The following MVK variants were observed in gnomAD, a reference collection of about 807,000 sequenced individuals.
The protein encoded by MVK is mevalonate kinase.
Under a neutral mutation model 43.2 loss-of-function variants are expected in MVK, and 34 were observed. The observed-to-expected ratio is 0.79, with a 90% confidence interval of 0.60 to 1.05. The LOEUF (loss-of-function observed/expected upper bound fraction) is 1.05, where lower values mean the gene tolerates loss of function less well. Ranked by LOEUF, MVK falls within the 50% of genes least tolerant of loss-of-function variation. The pLI is 0.00. For synonymous variants in MVK, 190 were observed against 219.8 expected, an observed-to-expected ratio of 0.86 and a Z score of 1.20; for missense variants, 395 against 504.0, an observed-to-expected ratio of 0.78 and a Z score of 2.07.
intron 9 of MVK, among the ~76,000 whole-genome samples, chr12:109,593,189 G>A (rs1438548837): frequency 1.3e-5 from 2 of 152,272 alleles, no homozygotes; most frequent in Non-Finnish European, 2.9e-5. Flanking sequence ...GCGGCCCCCA[G>A]AAGTCTTCTC....
chr12:109,588,176 C>T (rs2136240220), intron 7 of MVK: 2 of 152,418 alleles, frequency 1.3e-5, no homozygotes, highest in South Asian at 4.1e-4. Context: ...GGGCCCCGGC[C>T]TGTCTTCAGG....
rs1207160906 is a variant in MVK at position 109,595,268 on chromosome 12, C to G, written c.1039+87C>G. The G allele has an allele frequency of 3.9e-6, 6 of 1,554,678 alleles. No individual in the cohort carries two copies. Among genetic ancestry groups the G allele is most frequent in the Non-Finnish European group, 5.2e-6 (6 of 1,147,218 alleles). The stretch of plus-strand genomic sequence containing the variant: ...GAATTCCCTTGAAAGGAAAAAGAGA[C>G]CTGGAAACAGGTCTCAGCTCCGCTG... On this transcript the variant is annotated intron_variant, in intron 10 of 10. Transcript: ENST00000228510. This position sits in a 1 kb window ranked among gnomAD's most constrained non-coding sequence, Gnocchi z 5.9.
chr12:109,584,881 A>G (rs1283173502), intron 5 of MVK, among the ~76,000 whole-genome samples: 3 of 152,172 alleles, frequency 2.0e-5, no homozygotes, highest in Non-Finnish European at 2.9e-5. Context: ...GCGAAACTCC[A>G]TCTCAAAAAA....
At chr12:109,583,890 G>A (rs1270465575) in intron 5 of MVK, among the ~76,000 whole-genome samples, 2 of 152,230 alleles carry the variant, frequency 1.3e-5, no homozygotes, top group African/African-American at 4.8e-5. Context: ...GACCTTGTCT[G>A]TTTTGCTCCC....
chr12:109,581,135 A>T (rs560090684), intron 4 of MVK, among the ~76,000 whole-genome samples: 1 of 152,306 alleles, frequency 6.6e-6, no homozygotes, highest in African/African-American at 2.4e-5. Context: ...AAAGGGGTTG[A>T]CAGCTTGCCA....
intron 5 of MVK, among the ~76,000 whole-genome samples, chr12:109,583,712 C>A (rs566247841): frequency 2.2e-4 from 34 of 152,306 alleles, no homozygotes; most frequent in Admixed American, 1.8e-3. Context: ...TACAGTCCCA[C>A]CAACAGTGTA....
At chr12:109,587,193 C>T (rs1419411753) in intron 7 of MVK, 2 of 283,678 alleles carry the variant, frequency 7.1e-6, no homozygotes, top group Admixed American at 4.3e-5. Context: ...TCTCAGTCTG[C>T]TTGTGGGGGT....
chr12:109,577,948 A>G (rs1885036226), intron 3 of MVK, among the ~76,000 whole-genome samples: 1 of 152,168 alleles, frequency 6.6e-6, no homozygotes, highest in Non-Finnish European at 1.5e-5. Flanking sequence ...CAACTTGTGT[A>G]TGTCAGTAGC....
rs759489916 is a variant in MVK at position 109,579,880 on chromosome 12, C to G, written c.305C>G (p.Ala102Gly). 64 of 1,614,134 alleles carry G rather than the reference C, an allele frequency of 4.0e-5. 1 individual carries two copies. ...KEVAGLPDDC[A>G]VTERLAVLAF... Reference sequence around the variant, plus strand: ...GTTGCAGGCTTGCCTGACGACTGTGCTGTCACCGAGCGCCTGGCTGTGCTG... The same window carrying G: ...GTTGCAGGCTTGCCTGACGACTGTGGTGTCACCGAGCGCCTGGCTGTGCTG... The change falls in exon 4 of 11, where the codon GCT becomes GGT. Residue 102 changes from alanine to glycine, a missense_variant. Physicochemically the swap from Ala to Gly is moderately conservative, Grantham distance 60. Transcript: ENST00000228510.
In MVK at chr12:109,595,079, G is replaced by C; in HGVS notation, c.937G>C (p.Ala313Pro). 1 of 1,614,196 alleles carries C rather than the reference G, an allele frequency of 6.2e-7. No individual in the cohort carries two copies. The highest frequency in any genetic ancestry group is 8.5e-7 in the Non-Finnish European group (1 of 1,180,042). The change falls in exon 10 of 11, where the codon GCC becomes CCC. Residue 313 changes from alanine (A) to proline (P), a missense_variant. By Grantham distance (27) the Ala-to-Pro change is conservative. Coordinates refer to ENST00000228510, the MANE Select transcript of MVK (RefSeq NM_000431.4). The surrounding 1 kb of genome is among the most constrained non-coding windows in gnomAD (Gnocchi z 5.9). ...HHLNALGVGH[A>P]SLDQLCQVTR... The stretch of plus-strand genomic sequence containing the variant: ...TCTGAATGCCCTCGGCGTGGGCCAC[G>C]CCTCTCTGGACCAGCTCTGCCAGGT...
At chr12:109,577,362 C>G (rs150321305) in intron 3 of MVK, among the ~76,000 whole-genome samples, 1 of 152,284 alleles carries the variant, frequency 6.6e-6, no homozygotes, top group African/African-American at 2.4e-5. Flanking sequence ...AAATGAGAAT[C>G]TTTTTGGGTT....
chr12:109,586,958 G>C, intron 7 of MVK, 159 bp downstream of exon 7: 2 of 816,894 alleles, frequency 2.4e-6, no homozygotes, highest in Non-Finnish European at 4.0e-6. Context: ...GGAAGCAGGG[G>C]TGGTGGGGAA....
intron 5 of MVK, among the ~76,000 whole-genome samples, chr12:109,581,823 C>T (rs1326682101): frequency 6.6e-6 from 1 of 152,176 alleles, no homozygotes; most frequent in Non-Finnish European, 1.5e-5. Context: ...TGGTTTCAAG[C>T]GCCCATGGTA....
intron 7 of MVK, among the ~76,000 whole-genome samples, chr12:109,587,409 C>T (rs1885485182): frequency 1.3e-5 from 2 of 152,086 alleles, no homozygotes; most frequent in African/African-American, 4.8e-5. Flanking sequence ...TGTGCGATTT[C>T]AGCATTCTCT....
intron 3 of MVK, among the ~76,000 whole-genome samples, chr12:109,577,982 G>A (rs1885037986): frequency 6.6e-6 from 1 of 152,158 alleles, no homozygotes; most frequent in African/African-American, 2.4e-5. Flanking sequence ...AGCCAGGTAT[G>A]GGGGAACATG....
intron 7 of MVK, 133 bp from the exon 8 acceptor site, chr12:109,590,638 C>T: frequency 2.5e-6 from 2 of 787,484 alleles, no homozygotes; most frequent in Non-Finnish European, 4.4e-6. Context: ...CATGCTCCCC[C>T]AATCCAGTGT....
chr12:109,575,835 C>T (rs953199266), intron 2 of MVK, among the ~76,000 whole-genome samples, 163 bp from the exon 3 acceptor site: 6 of 152,138 alleles, frequency 3.9e-5, no homozygotes, highest in Non-Finnish European at 5.9e-5. Flanking sequence ...GGTGGCTGTT[C>T]CCAGGCTTAG....
intron 5 of MVK, among the ~76,000 whole-genome samples, chr12:109,584,383 C>T (rs1885351176): frequency 1.3e-5 from 2 of 152,176 alleles, no homozygotes; most frequent in Non-Finnish European, 2.9e-5. Flanking sequence ...GAACCAGGCC[C>T]CCAGGCGCTG....
At chr12:109,580,006 G>T (rs1002152311) in intron 4 of MVK, 60 bp downstream of exon 4, 24 of 1,608,948 alleles carry the variant, frequency 1.5e-5, no homozygotes, top group Non-Finnish European at 1.8e-5. Flanking sequence ...AAAAGGAAGA[G>T]TTTCTGTCAT....
Sources: allele counts gnomAD v4.1 joint callset (sites outside exome capture counted in the v4.1 genomes callset), GRCh38; gene constraint gnomAD v4.1.1; non-coding constraint Gnocchi (gnomAD v3.1); transcripts MANE v1.5; gene names NCBI Gene and HGNC (gene_info 2026-07-23, HGNC 2026-07-21).